The following MYRIP variants were observed in gnomAD, a reference collection of about 807,000 sequenced individuals.
MYRIP encodes rab effector MyRIP.
Under a neutral mutation model 98.0 loss-of-function variants are expected in MYRIP, and 49 were observed. That is an observed-to-expected ratio of 0.50 (90% confidence interval 0.40 to 0.63). The LOEUF (loss-of-function observed/expected upper bound fraction) is 0.63, where lower values mean the gene tolerates loss of function less well. Among genes scored for constraint, MYRIP ranks in the 30% least tolerant of loss-of-function variants. The pLI is 0.00. For missense variants in MYRIP, 1,004 were observed against 1,058.2 expected (o/e 0.95, Z 0.71); for synonymous variants, 404 against 409.5 (o/e 0.99, Z 0.16).
chr3:39,956,501 T>C (rs536006145), intron 2 of MYRIP, among the ~76,000 whole-genome samples: 5 of 152,048 alleles, frequency 3.3e-5, no homozygotes, highest in Admixed American at 1.3e-4. Flanking sequence ...ACACAACATA[T>C]CAGAATCTCT....
chr3:39,863,454 G>A (rs528280287), intron 1 of MYRIP, among the ~76,000 whole-genome samples: 1 of 148,958 alleles, frequency 6.7e-6, no homozygotes, highest in African/African-American at 2.5e-5. Context: ...AATAAGAAAT[G>A]ACAAAGGGGA....
chr3:40,082,818 G>C (rs1429406689), intron 3 of MYRIP, among the ~76,000 whole-genome samples: 4 of 152,182 alleles, frequency 2.6e-5, no homozygotes, highest in Admixed American at 6.5e-5. Flanking sequence ...GCTCATGAAG[G>C]CAACTGCATT....
intron 12 of MYRIP, among the ~76,000 whole-genome samples, chr3:40,234,916 A>C (rs1328646619): frequency 6.6e-6 from 1 of 151,510 alleles, no homozygotes; most frequent in Admixed American, 6.6e-5. Context: ...TCGCTTGAAC[A>C]CAGGAGGCGA....
At chr3:40,153,124 A>T (rs1296801263) in intron 4 of MYRIP, among the ~76,000 whole-genome samples, 1 of 151,988 alleles carries the variant, frequency 6.6e-6, no homozygotes. Flanking sequence ...GTCCAAAAAA[A>T]AAGCATTTTA....
intron 2 of MYRIP, among the ~76,000 whole-genome samples, chr3:40,027,807 T>A (rs1947169557): frequency 6.6e-6 from 1 of 151,984 alleles, no homozygotes; most frequent in Non-Finnish European, 1.5e-5. Context: ...GCAAAGCCCA[T>A]GGCTATCAAG....
rs951093343 is a variant in MYRIP at position 40,259,197 on chromosome 3, T to A, written c.*1031T>A. 6.6e-6 allele frequency: 1 copy of A among 152,264 alleles called. No individual in the cohort carries two copies. Among genetic ancestry groups the A allele is most frequent in the African/African-American group, 2.4e-5 (1 of 41,476 alleles). The allele number at this position is 152,264 out of a possible 1,614,324, so 9.4% of individuals were successfully genotyped here. On this transcript the variant is annotated 3_prime_UTR_variant, in exon 17 of 17. Coordinates refer to ENST00000302541, the MANE Select transcript of MYRIP (RefSeq NM_015460.4). ...ATTCAAGGACAAACTGTGCATTTAA[T>A]GGACACAAGAATTGACTCTAACTCC...
chr3:40,044,095 C>T lies in MYRIP; in HGVS notation c.156C>T (p.Ile52=), dbSNP rs991450267. The T allele has an allele frequency of 3.7e-6, 6 of 1,614,008 alleles. No individual in the cohort carries two copies. The Admixed American group carries it at 1.0e-4, about 27-fold the overall frequency. ...KLDEEGSKCS[I]LSKHQQFVEH... ...ATGAGGAAGGCAGCAAGTGCAGCAT[C>T]CTCTCGAAGCACCAGCAGTTTGTGG... The change falls in exon 3 of 17, where the codon ATC becomes ATT. Residue 52 remains isoleucine, a synonymous_variant. Coordinates refer to ENST00000302541, the MANE Select transcript of MYRIP (RefSeq NM_015460.4).
chr3:40,030,069 GA>G (rs201653667), intron 2 of MYRIP, among the ~76,000 whole-genome samples: 4 of 145,008 alleles, frequency 2.8e-5, no homozygotes, highest in African/African-American at 1.1e-4. Context: ...CTACAAGAAA[GA>G]AAAGAAAGGA....
chr3:39,899,894 C>T (rs1943705164), intron 1 of MYRIP, among the ~76,000 whole-genome samples: 1 of 152,172 alleles, frequency 6.6e-6, no homozygotes, highest in South Asian at 2.1e-4. Flanking sequence ...GATCTCAGCT[C>T]ACTGCAACCT....
chr3:40,107,299 T>G (rs1158393465), intron 3 of MYRIP, among the ~76,000 whole-genome samples: 4 of 152,210 alleles, frequency 2.6e-5, no homozygotes, highest in African/African-American at 7.2e-5. Context: ...GGCCTCCAGC[T>G]TGGTTTAATG....
At chr3:40,117,040 C>T (rs1418817611) in intron 3 of MYRIP, among the ~76,000 whole-genome samples, 4 of 152,190 alleles carry the variant, frequency 2.6e-5, no homozygotes, top group Admixed American at 6.5e-5. Flanking sequence ...GCTGCACCCC[C>T]GGCTATAGCT....
chr3:39,954,454 C>T (rs1445503410), intron 2 of MYRIP, among the ~76,000 whole-genome samples: 1 of 152,146 alleles, frequency 6.6e-6, no homozygotes, highest in Admixed American at 6.5e-5. Flanking sequence ...AGCTGAGGGT[C>T]CTGACTGTTA....
intron 3 of MYRIP, among the ~76,000 whole-genome samples, chr3:40,062,673 A>C (rs1948043647): frequency 6.6e-6 from 1 of 152,222 alleles, no homozygotes; most frequent in Non-Finnish European, 1.5e-5. Flanking sequence ...CGTTTCTGAA[A>C]TCAGGATGGG....
At chr3:40,038,199 G>A (rs1288702236) in intron 2 of MYRIP, among the ~76,000 whole-genome samples, 1 of 151,936 alleles carries the variant, frequency 6.6e-6, no homozygotes, top group Non-Finnish European at 1.5e-5. Context: ...AAATATGTAA[G>A]AATAAATGAC....
At chr3:39,908,804 A>G (rs1202920423) in intron 2 of MYRIP, among the ~76,000 whole-genome samples, 1 of 152,208 alleles carries the variant, frequency 6.6e-6, no homozygotes, top group Non-Finnish European at 1.5e-5. Context: ...ACTTCTGCTT[A>G]TATCCTTCCC....
At chr3:39,951,561 A>T (rs1945016494) in intron 2 of MYRIP, among the ~76,000 whole-genome samples, 1 of 152,212 alleles carries the variant, frequency 6.6e-6, no homozygotes, top group South Asian at 2.1e-4. Context: ...TCTTAGGTTA[A>T]ACTAATGAGC....
In MYRIP at chr3:40,190,147, C is replaced by CCATGTG; in HGVS notation, c.1351_1356dup (p.Met451_Cys452dup). The CCATGTG allele has an allele frequency of 1.9e-6, 3 of 1,614,068 alleles. No individual in the cohort carries two copies. Among genetic ancestry groups the CCATGTG allele is most frequent in the Non-Finnish European group, 1.7e-6 (2 of 1,179,986 alleles). ...TCTGCACTCTCCCCCAACCCTGAGG[C>CCATGTG]CATGTGCTCTGACTCGGAGACCTCC... On this transcript the variant is annotated inframe_insertion, in exon 10 of 17. Coordinates refer to ENST00000302541, the MANE Select transcript of MYRIP (RefSeq NM_015460.4).
intron 16 of MYRIP, among the ~76,000 whole-genome samples, chr3:40,255,689 G>A (rs1559479882): frequency 2.0e-5 from 3 of 152,014 alleles, no homozygotes; most frequent in African/African-American, 4.8e-5. Context: ...GATTGATTTG[G>A]CAGATAGTAG....
intron 1 of MYRIP, among the ~76,000 whole-genome samples, chr3:39,872,019 G>C (rs1029904894): frequency 6.6e-6 from 1 of 151,994 alleles, no homozygotes; most frequent in African/African-American, 2.4e-5. Context: ...AGATATTTTT[G>C]TATCTCTGCA....
Sources: allele counts gnomAD v4.1 joint callset (sites outside exome capture counted in the v4.1 genomes callset), GRCh38; gene constraint gnomAD v4.1.1; transcripts MANE v1.5; gene names NCBI Gene and HGNC (gene_info 2026-07-23, HGNC 2026-07-21).